Variants in CAST observed in about 807,000 individuals in gnomAD.
CAST encodes the protein MIR583 host.
CAST carries 76 observed loss-of-function variants against 119.6 expected under a neutral mutation model. That is an observed-to-expected ratio of 0.64 (90% CI 0.53 to 0.77). The LOEUF (loss-of-function observed/expected upper bound fraction) is 0.77, where lower values mean the gene tolerates loss of function less well. Among genes scored for constraint, CAST ranks in the 30% least tolerant of loss-of-function variants. The probability of loss-of-function intolerance (pLI) is 0.00; values close to 1 mark genes in which losing one functional copy is unlikely to be tolerated. For synonymous variants in CAST, 319 were observed against 331.6 expected (o/e 0.96, Z 0.41); for missense variants, 953 against 946.5 (o/e 1.01, Z -0.09).
At chr5:96,643,465 C>T (rs1303055912) in intron 1 of CAST, among the ~76,000 whole-genome samples, 1 of 152,128 alleles carries the variant, frequency 6.6e-6, no homozygotes, top group Non-Finnish European at 1.5e-5. Flanking sequence ...TTACCAGGTG[C>T]TGTGGCTCAC....
the CAST span, among the ~76,000 whole-genome samples, chr5:96,079,938 C>T: frequency 1.3e-4 from 20 of 152,068 alleles, no homozygotes; most frequent in East Asian, 3.5e-3. Flanking sequence ...AAAAGCAAAC[C>T]CCACTGCCTG....
intron 2 of CAST, among the ~76,000 whole-genome samples, chr5:96,691,043 C>A (rs1482571657): frequency 6.6e-6 from 1 of 152,138 alleles, no homozygotes; most frequent in Non-Finnish European, 1.5e-5. Context: ...GTAGATACAG[C>A]TTTATTTATA....
At chr5:96,624,578 T>C (rs1253205446) in intron 1 of CAST, among the ~76,000 whole-genome samples, 1 of 152,206 alleles carries the variant, frequency 6.6e-6, no homozygotes, top group Non-Finnish European at 1.5e-5. Context: ...AAAAATAATA[T>C]TTTTAATGGG....
the CAST span, among the ~76,000 whole-genome samples, chr5:96,273,180 C>T: frequency 2.6e-5 from 4 of 152,242 alleles, no homozygotes; most frequent in South Asian, 2.1e-4. Context: ...CGTTGATAAA[C>T]TTGATGTAAA....
chr5:96,360,352 A>G, the CAST span, among the ~76,000 whole-genome samples: 3 of 152,044 alleles, frequency 2.0e-5, no homozygotes, highest in Non-Finnish European at 2.9e-5. Context: ...TGTCAAACTC[A>G]TTCTCCACCA....
chr5:96,219,420 T>C, the CAST span, among the ~76,000 whole-genome samples: 6 of 152,182 alleles, frequency 3.9e-5, no homozygotes, highest in Non-Finnish European at 7.4e-5. Context: ...TTATACCCAT[T>C]TTATAGATAA....
At chr5:96,385,371 G>A in the CAST span, among the ~76,000 whole-genome samples, 29 of 152,296 alleles carry the variant, frequency 1.9e-4, no homozygotes, top group African/African-American at 6.0e-4. Flanking sequence ...GCATCAGTTT[G>A]CAAAATTTGG....
rs1053334944 is a variant in CAST, at chr5:96,662,469, G to C, written c.47G>C (p.Arg16Pro). The change falls in exon 1 of 32, where the codon CGA (arginine) becomes CCA (proline). Residue 16 changes from arginine to proline, a missense_variant. Arg to Pro is a moderately radical substitution (Grantham distance 103, BLOSUM62 -2). Transcript: ENST00000675179. The part of the protein sequence containing the change: ...QKPAASPRPR[R>P]AAAARRTHEH... ...CCCGCCGCCTCCCCGCGGCCCCGGC[G>C]AGCAGCCGCCGCCCGCCGCACCCAT... 2.1e-6 allele frequency: 3 copies of C among 1,432,620 alleles called. No homozygotes were observed. The African/African-American group carries it at 4.5e-5, about 21-fold the overall frequency. The allele number at this position is 1,432,620 out of a possible 1,614,324, so 88.7% of individuals were successfully genotyped here. A position where few individuals can be genotyped will look rare whatever the true frequency, so the allele number is the denominator to read the frequency against.
the CAST span, among the ~76,000 whole-genome samples, chr5:96,141,369 A>G: frequency 7.9e-5 from 12 of 152,218 alleles, no homozygotes; most frequent in African/African-American, 2.7e-4. Flanking sequence ...GCATTCTCCA[A>G]TTAGATTCGT....
chr5:96,540,117 T>G (rs1385472849), intron 1 of CAST, among the ~76,000 whole-genome samples: 1 of 152,176 alleles, frequency 6.6e-6, no homozygotes, highest in Non-Finnish European at 1.5e-5. Flanking sequence ...TATGCTATTG[T>G]GGGCTATAAA....
the CAST span, among the ~76,000 whole-genome samples, chr5:96,295,882 T>C: frequency 2.6e-5 from 4 of 152,070 alleles, no homozygotes; most frequent in East Asian, 3.9e-4. Flanking sequence ...TATGCACACA[T>C]ATATATATAT....
the CAST span, among the ~76,000 whole-genome samples, chr5:96,300,436 C>G: frequency 6.6e-6 from 1 of 152,136 alleles, no homozygotes; most frequent in Non-Finnish European, 1.5e-5. Context: ...CTGAGGCTCA[C>G]TATTCTGTTC....
At chr5:96,035,275 CATTA>C in the CAST span, among the ~76,000 whole-genome samples, 1 of 148,204 alleles carries the variant, frequency 6.7e-6, no homozygotes, top group Admixed American at 6.8e-5. Flanking sequence ...CAGTTTTTTC[CATTA>C]ATTAAAATTT....
intron 2 of CAST, among the ~76,000 whole-genome samples, chr5:96,678,014 G>T (rs1750909971): frequency 1.3e-5 from 2 of 152,134 alleles, no homozygotes; most frequent in Non-Finnish European, 2.9e-5. Flanking sequence ...GTGTCCTGGA[G>T]ACAGTTCAAG....
the CAST span, among the ~76,000 whole-genome samples, chr5:96,008,714 A>T: frequency 4.6e-5 from 7 of 152,254 alleles, no homozygotes; most frequent in Admixed American, 2.0e-4. Flanking sequence ...GAGAGATTGG[A>T]CCAAATCTTT....
rs1355260315 is a variant in CAST at position 96,729,225 on chromosome 5, C to G, written c.435+16C>G. 2 of 1,478,502 alleles carry G rather than the reference C, an allele frequency of 1.4e-6. No individual in the cohort carries two copies. The highest frequency in any genetic ancestry group is 3.5e-4 in the Middle Eastern group (2 of 5,734). 91.6% of individuals were successfully genotyped at this position (1,478,502 alleles called of 1,614,324 possible). On this transcript the variant is annotated intron_variant, in intron 7 of 31. Transcript: ENST00000675179. ...ACACACAGAGGTAAATGATTATCATCAGGACTTAATTATAAGGCAACCTCT... is the reference window on the plus strand; with the variant it reads ...ACACACAGAGGTAAATGATTATCATGAGGACTTAATTATAAGGCAACCTCT...
At chr5:95,999,069 T>G in the CAST span, among the ~76,000 whole-genome samples, 1 of 152,124 alleles carries the variant, frequency 6.6e-6, no homozygotes, top group South Asian at 2.1e-4. Context: ...TTTTAGTGAC[T>G]TTACTGAGTA....
At chr5:96,270,508 A>G in the CAST span, among the ~76,000 whole-genome samples, 15 of 152,310 alleles carry the variant, frequency 9.8e-5, no homozygotes, top group East Asian at 1.9e-3. Flanking sequence ...GACTTCACCT[A>G]TGGAATACTA....
At chr5:96,145,153 T>C in the CAST span, among the ~76,000 whole-genome samples, 1 of 152,220 alleles carries the variant, frequency 6.6e-6, no homozygotes, top group African/African-American at 2.4e-5. Context: ...TATCAGTTAA[T>C]AGCTATGATC....
Sources: allele counts gnomAD v4.1 joint callset (sites outside exome capture counted in the v4.1 genomes callset), GRCh38; gene constraint gnomAD v4.1.1; transcripts MANE v1.5; gene names NCBI Gene and HGNC (gene_info 2026-07-23, HGNC 2026-07-21).